The following IGF1 variants were observed in gnomAD, a reference collection of about 807,000 sequenced individuals.
IGF1 encodes insulin-like growth factor 1.
Under a neutral mutation model 13.8 loss-of-function variants are expected in IGF1, and 4 were observed. The ratio of observed to expected loss-of-function variants is 0.29; its 90% CI spans 0.14 to 0.66. IGF1 has a LOEUF of 0.66. IGF1 is among the 30% of genes least tolerant of loss of function. The pLI, the probability that IGF1 is intolerant of heterozygous loss-of-function variation, is 0.78. For missense variants in IGF1, 124 were observed against 188.5 expected (o/e 0.66, Z 2.00); for synonymous variants, 76 against 72.6 (o/e 1.05, Z -0.23).
chr12:102,464,694 A>T (rs1464456135), intron 2 of IGF1, among the ~76,000 whole-genome samples: 1 of 152,024 alleles, frequency 6.6e-6, no homozygotes, highest in Non-Finnish European at 1.5e-5. Context: ...ACTGGTCCAT[A>T]TGGTGATAAA....
At chr12:102,455,783 C>G (rs1010504141) in intron 2 of IGF1, among the ~76,000 whole-genome samples, 11 of 152,178 alleles carry the variant, frequency 7.2e-5, no homozygotes, top group Non-Finnish European at 1.6e-4. Context: ...ATCTCTCCTC[C>G]CAGGTTGAAC....
chr12:102,437,059 C>T (rs1877309786), intron 2 of IGF1, among the ~76,000 whole-genome samples: 1 of 152,232 alleles, frequency 6.6e-6, no homozygotes, highest in South Asian at 2.1e-4. Flanking sequence ...TCTTTCTAGT[C>T]ACTTCCTTCC....
At position 102,460,386 on chromosome 12, in the gene IGF1, T is replaced by G. The variant is rs574285880; in HGVS notation, c.220+15257A>C. 1.6e-4 allele frequency among the ~76,000 whole-genome samples: 25 copies of G among 152,300 alleles called. No homozygotes were observed. The South Asian group carries it at 4.4e-3, about 27-fold the overall frequency. On this transcript the variant is annotated intron_variant, in intron 2 of 3. Coordinates refer to ENST00000337514, the MANE Select transcript of IGF1 (RefSeq NM_000618.5). ...ATAGATGGTGTGGACTGGGATACCA[T>G]AGGGGAGAACTATTCCCATCTGACT...
Position 102,450,509 on chromosome 12 carries a change from T to C in IGF1, c.220+25134A>G, listed in dbSNP as rs546339267. Among the ~76,000 whole-genome samples the C allele has an allele frequency of 4.6e-5, 7 of 152,360 alleles. No homozygotes were observed. The South Asian group carries it at 1.5e-3, about 32-fold the overall frequency. ...CAATTGCTCTGGGACTAAATTCGAC[T>C]TGATAAAATGCTGCATTTCCAGATT... On this transcript the variant is annotated intron_variant, in intron 2 of 3. Coordinates refer to ENST00000337514, the MANE Select transcript of IGF1 (RefSeq NM_000618.5).
intron 2 of IGF1, among the ~76,000 whole-genome samples, chr12:102,427,483 T>C (rs1176750814): frequency 1.3e-5 from 2 of 152,208 alleles, no homozygotes; most frequent in Non-Finnish European, 2.9e-5. Context: ...TTTCATTTCT[T>C]TTTTTCTTTG....
intron 2 of IGF1, among the ~76,000 whole-genome samples, chr12:102,431,253 G>A (rs778911236): frequency 5.3e-5 from 8 of 152,178 alleles, no homozygotes; most frequent in African/African-American, 1.4e-4. Context: ...AAGCGTGAAC[G>A]CTTGAAAAGA....
At chr12:102,447,626 G>A (rs1878474139) in intron 2 of IGF1, among the ~76,000 whole-genome samples, 2 of 152,150 alleles carry the variant, frequency 1.3e-5, no homozygotes, top group African/African-American at 4.8e-5. Context: ...TTGCATGTGA[G>A]ATGAGTGTCC....
chr12:102,442,653 CAAT>C (rs1481885767), intron 2 of IGF1, among the ~76,000 whole-genome samples: 3 of 152,030 alleles, frequency 2.0e-5, no homozygotes, highest in Non-Finnish European at 4.4e-5. Context: ...CACCATCCAA[CAAT>C]AACAGGAAAA....
intron 2 of IGF1, among the ~76,000 whole-genome samples, chr12:102,460,132 A>G (rs900707031): frequency 1.6e-4 from 25 of 152,148 alleles, no homozygotes; most frequent in African/African-American, 5.1e-4. Context: ...TTCATAAGAG[A>G]AGTTGTTAAT....
chr12:102,411,475 C>T (rs17879563), intron 3 of IGF1, among the ~76,000 whole-genome samples: 42 of 152,172 alleles, frequency 2.8e-4, no homozygotes, highest in Admixed American at 2.7e-3. Flanking sequence ...AGACAGAAAG[C>T]CCCAAGTGAA....
At chr12:102,437,534 C>A (rs946996112) in intron 2 of IGF1, among the ~76,000 whole-genome samples, 1 of 152,176 alleles carries the variant, frequency 6.6e-6, no homozygotes, top group African/African-American at 2.4e-5. Context: ...AAGACAAATA[C>A]TATATGATCT....
chr12:102,462,189 T>A (rs1168288256), intron 2 of IGF1, among the ~76,000 whole-genome samples: 2 of 152,340 alleles, frequency 1.3e-5, no homozygotes, highest in African/African-American at 2.4e-5. Flanking sequence ...AATTTGTTAA[T>A]CAAACCAATT....
rs1873729361 is a variant in IGF1 at position 102,402,119 on chromosome 12, A to G, written c.*388T>C. ...GAAACAATTCATAAACCACTTAGAC[A>G]AGGTTGCTGAATGAATGGCTCCAGC... is the stretch of plus-strand genomic sequence containing the variant. On this transcript the variant is annotated 3_prime_UTR_variant, in exon 4 of 4. Transcript: ENST00000337514. The G allele has an allele frequency of 6.4e-6, 1 of 157,230 alleles. No individual in the cohort carries two copies. Among genetic ancestry groups the G allele is most frequent in the Admixed American group, 6.4e-5 (1 of 15,636 alleles). The allele number at this position is 157,230 out of a possible 1,614,324, so 9.7% of individuals were successfully genotyped here. A position where few individuals can be genotyped will look rare whatever the true frequency, so the allele number is the denominator to read the frequency against.
At chr12:102,423,094 T>A (rs1201714138) in intron 2 of IGF1, 2 of 151,948 alleles carry the variant, frequency 1.3e-5, no homozygotes, top group East Asian at 3.8e-4. Flanking sequence ...AGTGAAGAGA[T>A]GAAGGAGAAA....
intron 2 of IGF1, among the ~76,000 whole-genome samples, chr12:102,456,690 C>A (rs1229124769): frequency 6.6e-6 from 1 of 152,106 alleles, no homozygotes; most frequent in Non-Finnish European, 1.5e-5. Context: ...AACCTCTTAT[C>A]CCTACTCATG....
intron 2 of IGF1, 66 bp downstream of exon 2, chr12:102,475,577 G>A (rs775120039): frequency 2.7e-5 from 43 of 1,566,474 alleles, no homozygotes; most frequent in Admixed American, 1.7e-4. Flanking sequence ...CACTCCCTGC[G>A]GTTGTAAATC....
chr12:102,424,239 CTT>C (rs11305762), intron 2 of IGF1, among the ~76,000 whole-genome samples: 76 of 139,036 alleles, frequency 5.5e-4, no homozygotes, highest in Middle Eastern at 7.4e-3. Flanking sequence ...AAGTTGATCC[CTT>C]TTTTTTTTTT....
rs569378633 is a variant in IGF1 at position 102,426,923 on chromosome 12, TTTTA to T, written c.221-7237_221-7234del. 1.8e-4 allele frequency among the ~76,000 whole-genome samples: 27 copies of T among 152,354 alleles called. No homozygotes were observed. In the South Asian group the frequency reaches 5.4e-3, roughly 30 times the overall value. On this transcript the variant is annotated intron_variant, in intron 2 of 3. Coordinates refer to ENST00000337514, the MANE Select transcript of IGF1 (RefSeq NM_000618.5). ...TGCTACTGACAGCCTTTGACATTCT[TTTTA>T]TTCACTGATGTACTTTTGAGCAAGG...
chr12:102,410,627 T>A (rs1592741297), intron 3 of IGF1, among the ~76,000 whole-genome samples: 1 of 152,356 alleles, frequency 6.6e-6, no homozygotes, highest in Admixed American at 6.5e-5. Flanking sequence ...TAACTCCTAT[T>A]GCAGTGTTCT....
Sources: gnomAD v4.1 joint callset for allele counts (sites outside exome capture counted in the v4.1 genomes callset) on GRCh38, gnomAD v4.1.1 for gene constraint, MANE v1.5 for transcripts, NCBI Gene and HGNC (gene_info 2026-07-23, HGNC 2026-07-21) for gene names.